Variants in DYNC1I2 observed in about 807,000 individuals in gnomAD.
DYNC1I2 encodes the protein dynein cytoplasmic 1 intermediate chain 2.
Under a neutral mutation model 88.6 loss-of-function variants are expected in DYNC1I2, and 53 were observed. The observed-to-expected ratio is 0.60, with a 90% CI of 0.48 to 0.75. DYNC1I2 has a LOEUF of 0.75. DYNC1I2 is among the 30% of genes least tolerant of loss of function. DYNC1I2 has a pLI of 0.00. For synonymous variants in DYNC1I2, 198 were observed against 254.6 expected, an observed-to-expected ratio of 0.78 and a Z score of 2.12; for missense variants, 458 against 766.6, an observed-to-expected ratio of 0.60 and a Z score of 4.75.
chr2:171,700,158 A>ATGG (rs1686137526), intron 3 of DYNC1I2, among the ~76,000 whole-genome samples: 2 of 152,190 alleles, frequency 1.3e-5, no homozygotes, highest in Non-Finnish European at 2.9e-5. Context: ...GTTCGTTCAC[A>ATGG]TGGCTGGCAA....
In DYNC1I2 at chr2:171,707,293, C is replaced by G; in HGVS notation, c.251C>G (p.Pro84Arg). Residue 84 changes from proline to arginine, a missense_variant, in exon 5 of 18, where the codon CCT (proline) becomes CGT (arginine). By Grantham distance (103) the Pro-to-Arg change is moderately radical. Coordinates refer to ENST00000397119, the MANE Select transcript of DYNC1I2 (RefSeq NM_001378.3). ...PIVFSEYWVPPPMSPSSKSVS... is the reference protein window; with the variant it reads ...PIVFSEYWVPRPMSPSSKSVS... ...TGTCTATTTCACTATTTAGTCCCTC[C>G]TCCTATGTCTCCATCCTCCAAATCT... The G allele has an allele frequency of 2.5e-6, 4 of 1,613,790 alleles. No individual in the cohort carries two copies. The highest frequency in any genetic ancestry group is 3.4e-6 in the Non-Finnish European group (4 of 1,179,730).
At chr2:171,712,583 A>G (rs1343845624) in intron 5 of DYNC1I2, 184 bp from the exon 6 acceptor site, 2 of 555,260 alleles carry the variant, frequency 3.6e-6, no homozygotes, top group Non-Finnish European at 3.2e-6. Context: ...TGCATGCACT[A>G]GATGATTGAG....
chr2:171,729,620 G>A (rs1279284772), intron 14 of DYNC1I2, 89 bp from the exon 15 acceptor site: 2 of 1,387,916 alleles, frequency 1.4e-6, no homozygotes, highest in East Asian at 4.7e-5. Context: ...ATGAAGTCAA[G>A]GCCTGATATA....
chr2:171,716,500 T>C (rs532642893), intron 7 of DYNC1I2, among the ~76,000 whole-genome samples: 1 of 152,174 alleles, frequency 6.6e-6, no homozygotes, highest in South Asian at 2.1e-4. Context: ...AAAGTTATAT[T>C]CATTGCAGAA....
At chr2:171,735,527 C>T (rs1190820013) in intron 15 of DYNC1I2, among the ~76,000 whole-genome samples, 1 of 152,196 alleles carries the variant, frequency 6.6e-6, no homozygotes, top group African/African-American at 2.4e-5. Flanking sequence ...TGAAACACTT[C>T]TGGTTCCAAG....
At chr2:171,700,014 T>C (rs1014333275) in intron 3 of DYNC1I2, among the ~76,000 whole-genome samples, 3 of 152,196 alleles carry the variant, frequency 2.0e-5, no homozygotes, top group African/African-American at 7.2e-5. Flanking sequence ...TAGTTTCTGC[T>C]GGTCAAGAAT....
chr2:171,722,200 G>A (rs185945465), intron 7 of DYNC1I2, among the ~76,000 whole-genome samples: 316 of 152,122 alleles, frequency 2.1e-3, no homozygotes, highest in Middle Eastern at 6.8e-3. Flanking sequence ...TCATTCTTTC[G>A]TGTTACTTGT....
At chr2:171,706,481 T>C in intron 3 of DYNC1I2, 66 bp from the exon 4 acceptor site, 1 of 1,347,532 alleles carries the variant, frequency 7.4e-7, no homozygotes, top group Non-Finnish European at 1.1e-6. Flanking sequence ...ATGAAAAATG[T>C]GTATTTTTCT....
At chr2:171,729,947 A>T in intron 15 of DYNC1I2, 94 bp downstream of exon 15, 1 of 1,439,338 alleles carries the variant, frequency 6.9e-7, no homozygotes, top group South Asian at 1.3e-5. Context: ...CTTTTAAATC[A>T]TAATTGTTTG....
At chr2:171,710,120 TATACACACACACACACACACACACAC>T (rs1404341385) in intron 5 of DYNC1I2, among the ~76,000 whole-genome samples, 1 of 95,676 alleles carries the variant, frequency 1.0e-5, no homozygotes, top group Non-Finnish European at 2.1e-5. Flanking sequence ...TTTATGTATA[TATACACACACACACACACACACACAC>T]ACACACACAC....
intron 3 of DYNC1I2, among the ~76,000 whole-genome samples, chr2:171,700,693 G>A (rs1439007489): frequency 4.6e-5 from 7 of 151,922 alleles, no homozygotes; most frequent in Non-Finnish European, 7.4e-5. Context: ...GTACAGTGGC[G>A]TGATCTTGGC....
At chr2:171,692,927 T>G in intron 3 of DYNC1I2, 33 bp downstream of exon 3, 2 of 1,445,016 alleles carry the variant, frequency 1.4e-6, no homozygotes, top group Non-Finnish European at 1.9e-6. Flanking sequence ...TTATAAGAGA[T>G]AGGCATAGAT....
intron 15 of DYNC1I2, among the ~76,000 whole-genome samples, chr2:171,733,542 T>A (rs1688787247): frequency 6.8e-6 from 1 of 147,076 alleles, no homozygotes; most frequent in Admixed American, 6.9e-5. Context: ...TCATTGTGGT[T>A]TTGATTTGCA....
chr2:171,732,333 C>T (rs932949221), intron 15 of DYNC1I2, among the ~76,000 whole-genome samples: 2 of 152,206 alleles, frequency 1.3e-5, no homozygotes, highest in Non-Finnish European at 2.9e-5. Context: ...GCACTACAGC[C>T]TGGGTGACGA....
rs1453662978 is a variant in DYNC1I2, at chr2:171,725,744, T to G, written c.607+31T>G. ...TTAAGGAATTAAACTTTAAAACATT[T>G]TGTTGATTTCTGTTAAGATTCCTTT... is the stretch of plus-strand genomic sequence containing the variant. On this transcript the variant is annotated intron_variant, in intron 8 of 17. Transcript: ENST00000397119. The G allele has an allele frequency of 2.8e-6, 4 of 1,434,754 alleles. No individual in the cohort carries two copies. In the African/African-American group the frequency reaches 6.5e-5, roughly 23 times the overall value. 88.9% of individuals were successfully genotyped at this position (1,434,754 alleles called of 1,614,324 possible).
chr2:171,712,638 A>T, intron 5 of DYNC1I2, 129 bp from the exon 6 acceptor site: 1 of 649,412 alleles, frequency 1.5e-6, no homozygotes, highest in Non-Finnish European at 2.6e-6. Context: ...TTTTTTTTTA[A>T]TACTAACCAG....
At chr2:171,729,904 G>A (rs1301302085) in intron 15 of DYNC1I2, 51 bp downstream of exon 15, 2 of 1,597,898 alleles carry the variant, frequency 1.3e-6, no homozygotes, top group East Asian at 4.5e-5. Flanking sequence ...GACACAAGGT[G>A]GTGATCTAAT....
intron 12 of DYNC1I2, 99 bp downstream of exon 12, chr2:171,728,066 CT>C: frequency 1.5e-6 from 2 of 1,375,884 alleles, no homozygotes; most frequent in Non-Finnish European, 9.7e-7. Flanking sequence ...AATGTGCTTC[CT>C]TTGGTGTATG....
chr2:171,717,550 T>C (rs73976506), intron 7 of DYNC1I2, among the ~76,000 whole-genome samples: 2,933 of 152,310 alleles, frequency 0.019, 91 homozygotes, highest in African/African-American at 0.067. Context: ...ACACTGATGG[T>C]AAACTTGCTT....
Sources: gnomAD v4.1 joint callset for allele counts (sites outside exome capture counted in the v4.1 genomes callset) on GRCh38, gnomAD v4.1.1 for gene constraint, MANE v1.5 for transcripts, NCBI Gene and HGNC (gene_info 2026-07-23, HGNC 2026-07-21) for gene names.